The following TBCK variants were observed in gnomAD, a reference collection of about 807,000 sequenced individuals.
TBCK encodes TBC domain-containing protein kinase-like protein.
TBCK carries 99 observed loss-of-function variants against 113.4 expected under a neutral mutation model. The ratio of observed to expected loss-of-function variants is 0.87; its 90% CI spans 0.74 to 1.03. The LOEUF is 1.03. Ranked by LOEUF, TBCK falls within the 50% of genes least tolerant of loss-of-function variation. The pLI, the probability that TBCK is intolerant of heterozygous loss-of-function variation, is 0.00. For missense variants in TBCK, 1,045 were observed against 1,061.3 expected, an observed-to-expected ratio of 0.98 and a Z score of 0.21; for synonymous variants, 369 against 370.8, an observed-to-expected ratio of 1.00 and a Z score of 0.05.
At chr4:106,203,880 A>G (rs1470222027) in intron 20 of TBCK, among the ~76,000 whole-genome samples, 1 of 152,198 alleles carries the variant, frequency 6.6e-6, no homozygotes, top group Admixed American at 6.5e-5. Flanking sequence ...AAAATCAAGC[A>G]ATTAAAAAGA....
At chr4:106,081,685 G>T (rs1738888323) in intron 25 of TBCK, among the ~76,000 whole-genome samples, 1 of 152,134 alleles carries the variant, frequency 6.6e-6, no homozygotes, top group Non-Finnish European at 1.5e-5. Flanking sequence ...CAGAATGGGA[G>T]AATATATTTG....
chr4:106,229,896 A>C (rs184793838), intron 19 of TBCK, among the ~76,000 whole-genome samples: 1 of 152,114 alleles, frequency 6.6e-6, no homozygotes, highest in East Asian at 1.9e-4. Context: ...CTATGACATG[A>C]ACTCTTAAGG....
At chr4:106,069,560 G>C (rs1489803165) in intron 25 of TBCK, among the ~76,000 whole-genome samples, 1 of 152,180 alleles carries the variant, frequency 6.6e-6, no homozygotes. Context: ...TTGTAGTATA[G>C]TTTGAAGTCA....
intron 19 of TBCK, among the ~76,000 whole-genome samples, chr4:106,215,880 C>A (rs553193320): frequency 2.6e-5 from 4 of 151,736 alleles, no homozygotes; most frequent in African/African-American, 9.7e-5. Context: ...TAGACATCTA[C>A]AGAACTCTCC....
At chr4:106,313,113 G>T (rs1253642373) in intron 1 of TBCK, among the ~76,000 whole-genome samples, 2 of 152,158 alleles carry the variant, frequency 1.3e-5, no homozygotes, top group Admixed American at 6.5e-5. Context: ...CAGCTTATGA[G>T]AAGATAAACA....
intron 25 of TBCK, among the ~76,000 whole-genome samples, chr4:106,072,534 T>C (rs922467757): frequency 1.3e-5 from 2 of 152,240 alleles, no homozygotes; most frequent in East Asian, 3.8e-4. Flanking sequence ...TAACATTTTT[T>C]CCTTCATTTT....
At chr4:106,173,852 TA>T (rs757236337) in intron 22 of TBCK, among the ~76,000 whole-genome samples, 14 of 152,102 alleles carry the variant, frequency 9.2e-5, no homozygotes, top group Non-Finnish European at 1.6e-4. Context: ...TACATGGCAC[TA>T]CTGTTTTTTA....
At chr4:106,316,331 C>T (rs72878559), upstream of TBCK, 5,518 of 559,152 alleles carry the variant, frequency 9.9e-3, 233 homozygotes, top group African/African-American at 0.093. Context: ...GGACATATAG[C>T]GAGAGAGAAA....
At chr4:106,178,776 T>A (rs1751989511) in intron 22 of TBCK, among the ~76,000 whole-genome samples, 1 of 151,954 alleles carries the variant, frequency 6.6e-6, no homozygotes, top group Admixed American at 6.6e-5. Context: ...TTAGAATGAG[T>A]TTGAAAGTAT....
At chr4:106,179,591 C>T (rs1003422550) in intron 22 of TBCK, among the ~76,000 whole-genome samples, 5 of 151,922 alleles carry the variant, frequency 3.3e-5, no homozygotes, top group African/African-American at 9.7e-5. Context: ...TAATTTTATT[C>T]CATTGTGATC....
rs1048663138 is a variant in TBCK, at chr4:106,046,696, G to T, written c.2572-16C>A. On this transcript the variant is annotated splice_polypyrimidine_tract_variant and intron_variant, in intron 25 of 25. Coordinates refer to ENST00000394708, the MANE Select transcript of TBCK (RefSeq NM_001163435.3). ...GAGCTGCAAACTGGAAAAAAAAAGA[G>T]GCAAAATTTTTAGAGGATATACAGA... The T allele has an allele frequency of 6.8e-7, 1 of 1,477,248 alleles. No individual in the cohort carries two copies. The highest frequency in any genetic ancestry group is 9.4e-7 in the Non-Finnish European group (1 of 1,062,192). 91.5% of individuals were successfully genotyped at this position (1,477,248 alleles called of 1,614,324 possible).
chr4:106,122,867 G>A (rs1405937570), intron 23 of TBCK, among the ~76,000 whole-genome samples: 3 of 152,020 alleles, frequency 2.0e-5, no homozygotes, highest in Non-Finnish European at 4.4e-5. Flanking sequence ...GTATTGATGG[G>A]ACGTATTTCA....
In TBCK at chr4:106,230,471, T is replaced by A. The variant is rs1449104777; in HGVS notation, c.1691-25A>T. The A allele has an allele frequency of 2.0e-6, 3 of 1,488,028 alleles. No homozygotes were observed. The South Asian group carries it at 3.7e-5, about 18-fold the overall frequency. The allele number at this position is 1,488,028 out of a possible 1,614,324, so 92.2% of individuals were successfully genotyped here. A position where few individuals can be genotyped will look rare whatever the true frequency, so the allele number is the denominator to read the frequency against. ...GCTAAAAGAGAATAAGGCAAAGGCA[T>A]GTAAAAAATTAGTTAACAGGGTAGA... On this transcript the variant is annotated intron_variant, in intron 18 of 25. Transcript: ENST00000394708.
intron 23 of TBCK, among the ~76,000 whole-genome samples, chr4:106,135,511 A>T (rs1478365754): frequency 7.0e-6 from 1 of 142,694 alleles, no homozygotes; most frequent in Admixed American, 6.9e-5. Context: ...ATGAGAACTC[A>T]GGGAAAGAGT....
At chr4:106,232,678 GA>G (rs1758998066) in intron 17 of TBCK, among the ~76,000 whole-genome samples, 3 of 151,988 alleles carry the variant, frequency 2.0e-5, no homozygotes, top group African/African-American at 7.2e-5. Context: ...TATCCACAAA[GA>G]TCACAACAGC....
intron 23 of TBCK, among the ~76,000 whole-genome samples, chr4:106,152,385 T>C (rs1007999472): frequency 6.6e-6 from 1 of 152,214 alleles, no homozygotes; most frequent in South Asian, 2.1e-4. Flanking sequence ...ACATAACACA[T>C]TAATTGATTT....
chr4:106,142,228 T>C (rs1747213119), intron 23 of TBCK, among the ~76,000 whole-genome samples: 1 of 152,166 alleles, frequency 6.6e-6, no homozygotes, highest in South Asian at 2.1e-4. Flanking sequence ...TTCAGATAGA[T>C]GTATTTTGGA....
intron 20 of TBCK, among the ~76,000 whole-genome samples, chr4:106,208,518 A>G (rs536522845): frequency 2.0e-5 from 3 of 150,356 alleles, no homozygotes; most frequent in Non-Finnish European, 4.4e-5. Context: ...TGGGCTACCC[A>G]CTTTTAGGTG....
intron 17 of TBCK, among the ~76,000 whole-genome samples, 182 bp downstream of exon 17, chr4:106,232,756 A>G (rs907474841): frequency 6.6e-6 from 1 of 152,050 alleles, no homozygotes; most frequent in Non-Finnish European, 1.5e-5. Context: ...AATGATATCT[A>G]CTAGGATTTA....
Sources: allele counts gnomAD v4.1 joint callset (sites outside exome capture counted in the v4.1 genomes callset), GRCh38; gene constraint gnomAD v4.1.1; transcripts MANE v1.5; gene names NCBI Gene and HGNC (gene_info 2026-07-23, HGNC 2026-07-21).